Variants in MMP26 observed in about 807,000 individuals in gnomAD.
The protein encoded by MMP26 is matrix metallopeptidase 26, also known as matrix metalloproteinase-26.
Under a neutral mutation model 31.0 loss-of-function variants are expected in MMP26, and 33 were observed. The ratio of observed to expected loss-of-function variants is 1.06; its 90% CI spans 0.81 to 1.42. MMP26 has a LOEUF of 1.42. Among genes scored for constraint, MMP26 ranks in the 40% most tolerant of loss-of-function variants. MMP26 has a pLI of 0.00. For missense variants in MMP26, 347 were observed against 316.1 expected, an observed-to-expected ratio of 1.10 and a Z score of -0.74; for synonymous variants, 122 against 114.9, an observed-to-expected ratio of 1.06 and a Z score of -0.40.
At chr11:4,821,265 A>G in intron 2 of MMP26, 1 of 772,086 alleles carries the variant, frequency 1.3e-6, no homozygotes, top group Non-Finnish European at 2.1e-6. Flanking sequence ...AGAAATGTGT[A>G]GCTCTGGGAA....
chr11:4,726,071 C>A (rs1199056240), intron 1 of MMP26, among the ~76,000 whole-genome samples: 1 of 152,182 alleles, frequency 6.6e-6, no homozygotes, highest in African/African-American at 2.4e-5. Context: ...GGTGAGAAAC[C>A]AGTAGTTTGT....
chr11:4,751,751 A>G (rs1848449225), intron 1 of MMP26, among the ~76,000 whole-genome samples: 1 of 152,142 alleles, frequency 6.6e-6, no homozygotes, highest in Non-Finnish European at 1.5e-5. Context: ...TTGGAATCTT[A>G]ATTCAAAGTG....
At chr11:4,874,126 C>A (rs1428289585) in intron 2 of MMP26, among the ~76,000 whole-genome samples, 4 of 152,146 alleles carry the variant, frequency 2.6e-5, no homozygotes, top group Non-Finnish European at 5.9e-5. Context: ...TTTTCTGCAG[C>A]GATGAAACTA....
At position 4,876,473 on chromosome 11, in the gene MMP26, A is replaced by T. The variant is rs1278561120; in HGVS notation, c.-145+109132A>T. The T allele has an allele frequency of 3.3e-5, 5 of 152,298 alleles. No individual in the cohort carries two copies. The East Asian group carries it at 9.7e-4, about 29-fold the overall frequency. 9.4% of individuals were successfully genotyped at this position (152,298 alleles called of 1,614,324 possible). A position where few individuals can be genotyped will look rare whatever the true frequency, so the allele number is the denominator to read the frequency against. On this transcript the variant is annotated intron_variant, in intron 2 of 7. Coordinates refer to ENST00000380390, the MANE Select transcript of MMP26 (RefSeq NM_021801.5). ...ACTTCCTCTTACAGCTACCATCTCA[A>T]TACTTATTGTTACTGATTCCAGTTG...
chr11:4,911,558 G>A (rs188360893), intron 2 of MMP26, among the ~76,000 whole-genome samples: 45 of 152,156 alleles, frequency 3.0e-4, no homozygotes, highest in South Asian at 1.9e-3. Context: ...CAGTCACACC[G>A]GTCCTCTTGC....
intron 2 of MMP26, among the ~76,000 whole-genome samples, chr11:4,856,883 C>T (rs1453553050): frequency 1.3e-5 from 2 of 152,212 alleles, no homozygotes; most frequent in African/African-American, 4.8e-5. Context: ...CCTCAGACCA[C>T]AGTTCAATCA....
chr11:4,882,144 C>A, intron 2 of MMP26: 1 of 1,613,982 alleles, frequency 6.2e-7, no homozygotes, highest in African/African-American at 1.3e-5. Flanking sequence ...ACCCTTCCCA[C>A]TGTGCTTGGT....
rs1479112632 is a variant in MMP26, at chr11:4,848,536, A to T, written c.-145+81195A>T. ...TGCAACACCTTGCCAATCAGGCCAT[A>T]GGAGAAGAAAATAAGCAGGGGGTCC... On this transcript the variant is annotated intron_variant, in intron 2 of 7. Coordinates refer to ENST00000380390, the MANE Select transcript of MMP26 (RefSeq NM_021801.5). 3.1e-6 allele frequency: 5 copies of T among 1,612,982 alleles called. No homozygotes were observed. The African/African-American group carries it at 6.7e-5, about 22-fold the overall frequency.
chr11:4,784,988 A>G (rs1848915806), intron 2 of MMP26, among the ~76,000 whole-genome samples: 1 of 152,222 alleles, frequency 6.6e-6, no homozygotes, highest in Admixed American at 6.5e-5. Context: ...TGCCAGAGTC[A>G]CAGGCCCATC....
intron 2 of MMP26, among the ~76,000 whole-genome samples, chr11:4,884,775 T>C (rs1850526564): frequency 6.6e-6 from 1 of 152,184 alleles, no homozygotes; most frequent in African/African-American, 2.4e-5. Flanking sequence ...TTTTTTTCTT[T>C]CTTAAGTTTG....
chr11:4,964,289 A>G (rs1463886857), intron 2 of MMP26, among the ~76,000 whole-genome samples: 1 of 152,234 alleles, frequency 6.6e-6, no homozygotes, highest in Non-Finnish European at 1.5e-5. Context: ...ATTTTTATAT[A>G]TGGTGTAAGG....
At chr11:4,834,629 A>G (rs1443298301) in intron 2 of MMP26, among the ~76,000 whole-genome samples, 1 of 152,184 alleles carries the variant, frequency 6.6e-6, no homozygotes, top group Non-Finnish European at 1.5e-5. Context: ...CAGTCCTTCC[A>G]GGGAGATCAA....
intron 2 of MMP26, among the ~76,000 whole-genome samples, chr11:4,788,277 A>G (rs1408110685): frequency 1.3e-5 from 2 of 151,972 alleles, no homozygotes; most frequent in Non-Finnish European, 2.9e-5. Flanking sequence ...GAGACATGTT[A>G]CAAGCCATGA....
intron 2 of MMP26, among the ~76,000 whole-genome samples, chr11:4,961,444 G>A (rs570884464): frequency 3.9e-5 from 6 of 152,118 alleles, no homozygotes; most frequent in South Asian, 2.1e-4. Context: ...ATACCCTCAC[G>A]GACACATCCA....
At position 4,882,553 on chromosome 11, in the gene MMP26, C is replaced by T. The variant is rs1472996618; in HGVS notation, c.-144-105515C>T. On this transcript the variant is annotated intron_variant, in intron 2 of 7. Transcript: ENST00000380390. ...GCACTGACGTATTGTTTATTCTTTT[C>T]TCCTATGTCCTGATCCTCCGTACTG... 2.5e-6 allele frequency: 4 copies of T among 1,613,758 alleles called. No individual in the cohort carries two copies. The East Asian group carries it at 6.7e-5, about 27-fold the overall frequency.
intron 2 of MMP26, chr11:4,908,285 T>A: frequency 1.2e-6 from 2 of 1,613,998 alleles, no homozygotes; most frequent in Non-Finnish European, 1.7e-6. Context: ...CTTGGGGAAG[T>A]TGCTTAATGT....
At chr11:4,708,251 A>G (rs970194109) in intron 1 of MMP26, among the ~76,000 whole-genome samples, 11 of 152,202 alleles carry the variant, frequency 7.2e-5, no homozygotes, top group African/African-American at 2.2e-4. Flanking sequence ...TTGCCTCTCA[A>G]TTCAAAATTT....
At position 4,908,435 on chromosome 11, in the gene MMP26, A is replaced by G. The variant is rs917291991; in HGVS notation, c.-144-79633A>G. The G allele has an allele frequency of 5.1e-6, 4 of 789,094 alleles. No homozygotes were observed. In the African/African-American group the frequency reaches 6.9e-5, roughly 14 times the overall value. The allele number at this position is 789,094 out of a possible 1,614,324, so 48.9% of individuals were successfully genotyped here. On this transcript the variant is annotated intron_variant, in intron 2 of 7. Transcript: ENST00000380390. ...GGAAGTGAAAAGCTATGTAGTGCAG[A>G]ATTTATAATAAAGTTGAGAATATAA... is the stretch of plus-strand genomic sequence containing the variant.
At chr11:4,853,957 G>A (rs1217340359) in intron 2 of MMP26, among the ~76,000 whole-genome samples, 2 of 152,168 alleles carry the variant, frequency 1.3e-5, no homozygotes, top group Non-Finnish European at 2.9e-5. Flanking sequence ...TTATGCGTAA[G>A]TGCAGAGTTG....
Sources: gnomAD v4.1 joint callset for allele counts (sites outside exome capture counted in the v4.1 genomes callset) on GRCh38, gnomAD v4.1.1 for gene constraint, MANE v1.5 for transcripts, NCBI Gene and HGNC (gene_info 2026-07-23, HGNC 2026-07-21) for gene names.